Variants in MAP7 observed in about 807,000 individuals in gnomAD.
MAP7 encodes the protein ensconsin.
Under a neutral mutation model 94.8 loss-of-function variants are expected in MAP7, and 52 were observed. That is an observed-to-expected ratio of 0.55 (90% CI 0.44 to 0.69). The LOEUF (loss-of-function observed/expected upper bound fraction) is 0.69, where lower values mean the gene tolerates loss of function less well. Among genes scored for constraint, MAP7 ranks in the 30% least tolerant of loss-of-function variants. The pLI, the probability that MAP7 is intolerant of heterozygous loss-of-function variation, is 0.00. For synonymous variants in MAP7, 350 were observed against 357.0 expected (o/e 0.98, Z 0.22); for missense variants, 940 against 964.6 (o/e 0.97, Z 0.34).
intron 3 of MAP7, among the ~76,000 whole-genome samples, chr6:136,409,385 C>T (rs962741269): frequency 6.6e-6 from 1 of 151,812 alleles, no homozygotes; most frequent in Admixed American, 6.6e-5. Context: ...TAACAAGATC[C>T]CATTTCAGAG....
Position 136,477,806 on chromosome 6 carries a change from G to C in MAP7, c.68-56007C>G, listed in dbSNP as rs146427183. Among the ~76,000 whole-genome samples the C allele has an allele frequency of 1.4e-3, 215 of 152,300 alleles. 1 individual carries two copies. The highest frequency in any genetic ancestry group is 4.8e-3 in the African/African-American group (201 of 41,572). On this transcript the variant is annotated intron_variant, in intron 1 of 17. Coordinates refer to ENST00000354570, the MANE Select transcript of MAP7 (RefSeq NM_003980.6). ...CTCAATCTGCACTATAGATCAAATT[G>C]ATCTAATAGGTATTTATAGGACATT...
intron 1 of MAP7, among the ~76,000 whole-genome samples, chr6:136,513,339 G>A (rs1325820576): frequency 1.3e-5 from 2 of 152,158 alleles, no homozygotes; most frequent in African/African-American, 2.4e-5. Flanking sequence ...TAAATCCTTT[G>A]TTGCCATTTC....
At chr6:136,371,604 G>T (rs2128603463) in intron 8 of MAP7, among the ~76,000 whole-genome samples, 1 of 152,316 alleles carries the variant, frequency 6.6e-6, no homozygotes, top group South Asian at 2.1e-4. Context: ...AATCTGAATT[G>T]CTCTGGGAAG....
At chr6:136,417,406 A>T (rs1440196169) in intron 2 of MAP7, among the ~76,000 whole-genome samples, 1 of 152,222 alleles carries the variant, frequency 6.6e-6, no homozygotes, top group Non-Finnish European at 1.5e-5. Context: ...ATCTGAGAGT[A>T]CGGTCATGCT....
chr6:136,393,939 C>A lies in MAP7; in HGVS notation c.245-4422G>T, dbSNP rs574671810. On this transcript the variant is annotated intron_variant, in intron 3 of 17. Coordinates refer to ENST00000354570, the MANE Select transcript of MAP7 (RefSeq NM_003980.6). ...ACAGGCCTGAGCCCCAACGCCTGGC[C>A]TAGCATTTCTTATGTTCTGATATCT... is the stretch of plus-strand genomic sequence containing the variant. Among the ~76,000 whole-genome samples, 5 of 149,894 alleles carry A rather than the reference C, an allele frequency of 3.3e-5. No individual in the cohort carries two copies. In the South Asian group the frequency reaches 1.1e-3, roughly 32 times the overall value.
At chr6:136,523,749 G>C (rs553588805) in intron 1 of MAP7, among the ~76,000 whole-genome samples, 1 of 152,132 alleles carries the variant, frequency 6.6e-6, no homozygotes, top group East Asian at 1.9e-4. Flanking sequence ...TATGGGCAGG[G>C]ATAGAAAGAA....
At chr6:136,518,655 C>T (rs186236658) in intron 1 of MAP7, among the ~76,000 whole-genome samples, 251 of 152,242 alleles carry the variant, frequency 1.6e-3, no homozygotes, top group African/African-American at 5.9e-3. Context: ...ACCTTCATTG[C>T]TCTTAAGTTT....
At chr6:136,354,428 T>C (rs1307489846) in intron 16 of MAP7, among the ~76,000 whole-genome samples, 1 of 143,292 alleles carries the variant, frequency 7.0e-6, no homozygotes, top group Non-Finnish European at 1.5e-5. Context: ...AAAATATATA[T>C]AGTAGATATA....
At chr6:136,349,702 C>T (rs760343044) in intron 16 of MAP7, among the ~76,000 whole-genome samples, 6 of 152,162 alleles carry the variant, frequency 3.9e-5, no homozygotes, top group Admixed American at 1.3e-4. Context: ...CCTTTAAAAT[C>T]TGGCCAGAAT....
In MAP7 at chr6:136,388,383, C is replaced by A; in HGVS notation, c.526+10G>T. On this transcript the variant is annotated intron_variant, in intron 5 of 17. Transcript: ENST00000354570. ...AATAAAGACTAATTTTCAAAGTGGT[C>A]ACTGTTTACCTGCACTGTGGATGCT... The A allele has an allele frequency of 6.3e-7, 1 of 1,585,920 alleles. No individual in the cohort carries two copies. Among genetic ancestry groups the A allele is most frequent in the South Asian group, 1.1e-5 (1 of 89,020 alleles).
chr6:136,421,603 C>A, intron 2 of MAP7, 98 bp downstream of exon 2: 1 of 1,199,914 alleles, frequency 8.3e-7, no homozygotes, highest in Non-Finnish European at 1.2e-6. Context: ...TTTCTGGAAA[C>A]TAGAATTTAA....
intron 1 of MAP7, among the ~76,000 whole-genome samples, chr6:136,459,859 C>G (rs549946724): frequency 1.4e-4 from 21 of 152,044 alleles, no homozygotes; most frequent in Non-Finnish European, 3.1e-4. Context: ...GATCCTGTAT[C>G]GTACACTTTA....
chr6:136,541,876 C>G (rs771715704), intron 1 of MAP7, among the ~76,000 whole-genome samples: 3 of 152,000 alleles, frequency 2.0e-5, no homozygotes, highest in Non-Finnish European at 4.4e-5. Flanking sequence ...CTGGCCAACA[C>G]GGCAAAACCC....
intron 3 of MAP7, among the ~76,000 whole-genome samples, chr6:136,410,584 G>T (rs1562368223): frequency 1.3e-5 from 2 of 152,318 alleles, no homozygotes; most frequent in East Asian, 1.9e-4. Context: ...GTAAGCAAAT[G>T]AAATCTATGC....
At position 136,345,962 on chromosome 6, in the gene MAP7, G is replaced by T; in HGVS notation, c.2133C>A (p.Asn711Lys). The change falls in exon 17 of 18, where the codon AAC becomes AAA. Residue 711 changes from asparagine to lysine, a missense_variant. Coordinates refer to ENST00000354570, the MANE Select transcript of MAP7 (RefSeq NM_003980.6). ...TCAAAGGAATTTCTGGGCTCTCACT[G>T]TTGGTGACATCTAATCTGGATGGTT... ...GSKPSRLDVT[N>K]SESPEIPLNP... 6.2e-7 allele frequency: 1 copy of T among 1,613,806 alleles called. No homozygotes were observed. Among genetic ancestry groups the T allele is most frequent in the Non-Finnish European group, 8.5e-7 (1 of 1,179,702 alleles).
chr6:136,491,096 A>C (rs1204436633), intron 1 of MAP7, among the ~76,000 whole-genome samples: 1 of 152,224 alleles, frequency 6.6e-6, no homozygotes, highest in African/African-American at 2.4e-5. Flanking sequence ...GATGCTTCTG[A>C]AAGTGAAAGG....
intron 1 of MAP7, among the ~76,000 whole-genome samples, chr6:136,457,654 A>G (rs1266826628): frequency 6.6e-6 from 1 of 152,178 alleles, no homozygotes; most frequent in Non-Finnish European, 1.5e-5. Context: ...ACATACACAA[A>G]TTAATAGATG....
chr6:136,389,483 C>T lies in MAP7; in HGVS notation c.279G>A (p.Glu93=). 6.2e-7 allele frequency: 1 copy of T among 1,610,294 alleles called. No individual in the cohort carries two copies. ...AREIVWLERE[E]RARQHYEKHL... is the part of the protein sequence containing the mutation. ...GCTTCTCGTAGTGCTGCCTGGCTCG[C>T]TCTTCTCTTTCTAACCACACTATTT... The change falls in exon 4 of 18, where the codon GAG becomes GAA. Residue 93 remains glutamate (E), a synonymous_variant. Transcript: ENST00000354570.
chr6:136,540,985 G>C (rs566676862), intron 1 of MAP7, among the ~76,000 whole-genome samples: 1 of 152,294 alleles, frequency 6.6e-6, no homozygotes, highest in African/African-American at 2.4e-5. Flanking sequence ...GTCAAGGAGT[G>C]ACCCATATTT....
Sources: allele counts gnomAD v4.1 joint callset (sites outside exome capture counted in the v4.1 genomes callset), GRCh38; gene constraint gnomAD v4.1.1; transcripts MANE v1.5; gene names NCBI Gene and HGNC (gene_info 2026-07-23, HGNC 2026-07-21).